The following RAB38 variants were observed in gnomAD, a reference collection of about 807,000 sequenced individuals.
RAB38 encodes the protein ras-related protein Rab-38.
RAB38 carries 15 observed loss-of-function variants against 18.4 expected under a neutral mutation model. That is an observed-to-expected ratio of 0.82 (90% CI 0.55 to 1.26). The LOEUF is 1.26. Ranked by LOEUF, RAB38 falls within the 50% of genes most tolerant of loss-of-function variation. RAB38 has a pLI of 0.00. For missense variants in RAB38, 294 were observed against 267.4 expected (o/e 1.10, Z -0.69); for synonymous variants, 101 against 104.4 (o/e 0.97, Z 0.20).
the RAB38 span, among the ~76,000 whole-genome samples, chr11:87,935,270 A>T: frequency 1.3e-5 from 2 of 151,922 alleles, no homozygotes; most frequent in Non-Finnish European, 2.9e-5. Flanking sequence ...TATGCTCCTG[A>T]TCCTTTGATT....
chr11:88,146,708 T>C (rs539622510), intron 2 of RAB38, among the ~76,000 whole-genome samples: 1 of 152,234 alleles, frequency 6.6e-6, no homozygotes. Flanking sequence ...AGTGTTGACT[T>C]TGAATACTAA....
At chr11:88,044,045 C>T in the RAB38 span, among the ~76,000 whole-genome samples, 1 of 152,192 alleles carries the variant, frequency 6.6e-6, no homozygotes, top group Non-Finnish European at 1.5e-5. Flanking sequence ...CAGTCTCTCC[C>T]TTCTCTTAAT....
At chr11:87,968,467 G>T in the RAB38 span, among the ~76,000 whole-genome samples, 2 of 152,228 alleles carry the variant, frequency 1.3e-5, no homozygotes, top group East Asian at 3.9e-4. Flanking sequence ...CACTTCTGGG[G>T]CTCTTAGAAG....
At chr11:87,974,829 A>G in the RAB38 span, among the ~76,000 whole-genome samples, 8 of 151,912 alleles carry the variant, frequency 5.3e-5, 1 homozygote, top group Middle Eastern at 6.3e-3. Flanking sequence ...ATTTAAAAGC[A>G]CTCAGAGATA....
chr11:88,028,100 C>A, the RAB38 span, among the ~76,000 whole-genome samples: 4 of 152,198 alleles, frequency 2.6e-5, no homozygotes, highest in Admixed American at 6.5e-5. Flanking sequence ...GACACCGCTG[C>A]TGATACCCAC....
chr11:87,968,692 G>A, the RAB38 span, among the ~76,000 whole-genome samples: 2 of 152,134 alleles, frequency 1.3e-5, no homozygotes. Context: ...TCTGGACAAA[G>A]CAGTGTGCTC....
the RAB38 span, among the ~76,000 whole-genome samples, chr11:87,947,501 C>T: frequency 6.6e-6 from 1 of 152,150 alleles, no homozygotes; most frequent in African/African-American, 2.4e-5. Flanking sequence ...AGGGTTTCTT[C>T]TAGGGTTTTT....
the RAB38 span, among the ~76,000 whole-genome samples, chr11:87,963,916 G>T: frequency 6.6e-6 from 1 of 152,224 alleles, no homozygotes; most frequent in Admixed American, 6.5e-5. Context: ...AAAGTGCTGG[G>T]ATTACAAGCG....
At chr11:87,935,349 C>T in the RAB38 span, among the ~76,000 whole-genome samples, 2 of 151,938 alleles carry the variant, frequency 1.3e-5, no homozygotes, top group Admixed American at 6.6e-5. Context: ...TCCTGGGATT[C>T]CCCTAATGAT....
the RAB38 span, among the ~76,000 whole-genome samples, chr11:87,899,239 C>T: frequency 3.3e-5 from 5 of 151,582 alleles, no homozygotes; most frequent in Non-Finnish European, 7.4e-5. Flanking sequence ...GTTCTTTCTG[C>T]CTGTAAGATG....
the RAB38 span, among the ~76,000 whole-genome samples, chr11:87,951,516 A>C: frequency 1.3e-5 from 2 of 149,620 alleles, no homozygotes; most frequent in South Asian, 2.1e-4. Flanking sequence ...TTTTTTTCCC[A>C]TCTTTGTGGT....
chr11:87,932,635 A>G, the RAB38 span, among the ~76,000 whole-genome samples: 1 of 152,044 alleles, frequency 6.6e-6, no homozygotes, highest in African/African-American at 2.4e-5. Context: ...AAACCCAACA[A>G]AACAATTTCT....
the RAB38 span, among the ~76,000 whole-genome samples, chr11:88,089,964 C>G: frequency 6.6e-6 from 1 of 151,838 alleles, no homozygotes; most frequent in Non-Finnish European, 1.5e-5. Flanking sequence ...TGGAATCCTT[C>G]ATTAGGTTGT....
chr11:88,028,408 G>T, the RAB38 span, among the ~76,000 whole-genome samples: 3 of 152,142 alleles, frequency 2.0e-5, no homozygotes, highest in Non-Finnish European at 4.4e-5. Context: ...AGAGAAGAAG[G>T]CTTCAGACGA....
the RAB38 span, among the ~76,000 whole-genome samples, chr11:88,042,416 C>CCTGT: frequency 6.6e-6 from 1 of 152,168 alleles, no homozygotes; most frequent in Non-Finnish European, 1.5e-5. Context: ...GGGCTCTTTT[C>CCTGT]CTGTACTCAT....
chr11:87,955,417 A>G, the RAB38 span, among the ~76,000 whole-genome samples: 62,679 of 151,916 alleles, frequency 0.41, 13,227 homozygotes, highest in South Asian at 0.55. Context: ...GCTCACTACT[A>G]GGGTGACATG....
the RAB38 span, among the ~76,000 whole-genome samples, chr11:87,832,154 C>T: frequency 4.3e-4 from 65 of 152,192 alleles, no homozygotes; most frequent in Non-Finnish European, 7.1e-4. Context: ...CTATCAAATG[C>T]CAGCATTGGA....
At chr11:88,153,432 G>A (rs1285568073) in intron 1 of RAB38, among the ~76,000 whole-genome samples, 2 of 152,180 alleles carry the variant, frequency 1.3e-5, no homozygotes, top group African/African-American at 4.8e-5. Context: ...AGAGGCTCCA[G>A]TATCCAACTA....
the RAB38 span, among the ~76,000 whole-genome samples, chr11:87,967,443 A>T: frequency 6.6e-6 from 1 of 152,118 alleles, no homozygotes; most frequent in Admixed American, 6.6e-5. Context: ...TTTTTAAAAT[A>T]GTGGTTAATA....
Sources: gnomAD v4.1 joint callset for allele counts (sites outside exome capture counted in the v4.1 genomes callset) on GRCh38, gnomAD v4.1.1 for gene constraint, MANE v1.5 for transcripts, NCBI Gene and HGNC (gene_info 2026-07-23, HGNC 2026-07-21) for gene names.